Variants in KIAA1549L observed in about 807,000 individuals in gnomAD.
KIAA1549L encodes the protein KIAA1549 like.
A neutral mutation model predicts 160.7 loss-of-function variants in KIAA1549L; 88 were observed. The ratio of observed to expected loss-of-function variants is 0.55; its 90% CI spans 0.46 to 0.65. KIAA1549L has a LOEUF of 0.65. Among genes scored for constraint, KIAA1549L ranks in the 30% least tolerant of loss-of-function variants. The pLI, the probability that KIAA1549L is intolerant of heterozygous loss-of-function variation, is 0.00. For missense variants in KIAA1549L, 2,258 were observed against 2,437.5 expected, an observed-to-expected ratio of 0.93 and a Z score of 1.55; for synonymous variants, 950 against 976.7, an observed-to-expected ratio of 0.97 and a Z score of 0.51.
chr11:33,499,885 C>G (rs1329167485), intron 1 of KIAA1549L, among the ~76,000 whole-genome samples: 1 of 152,198 alleles, frequency 6.6e-6, no homozygotes, highest in Non-Finnish European at 1.5e-5. Context: ...TAGATAAGTT[C>G]TTCAAGGCTT....
chr11:33,497,952 A>G (rs1030081595), intron 1 of KIAA1549L, among the ~76,000 whole-genome samples: 8 of 151,756 alleles, frequency 5.3e-5, no homozygotes, highest in Admixed American at 6.6e-5. Context: ...ATGATCTTGG[A>G]AAACTTACTG....
chr11:33,609,600 G>C (rs1011100156), intron 14 of KIAA1549L, 149 bp from the exon 15 acceptor site: 2 of 637,576 alleles, frequency 3.1e-6, no homozygotes, highest in East Asian at 2.7e-5. Context: ...GCTTGTCTCA[G>C]AATGGGATGC....
At chr11:33,464,563 C>T (rs1852009886) in intron 1 of KIAA1549L, among the ~76,000 whole-genome samples, 1 of 149,654 alleles carries the variant, frequency 6.7e-6, no homozygotes, top group Admixed American at 6.7e-5. Flanking sequence ...CTAGCTGGGG[C>T]CTCTGAATTT....
chr11:33,548,235 C>A (rs1317669580), intron 4 of KIAA1549L, among the ~76,000 whole-genome samples: 3 of 152,122 alleles, frequency 2.0e-5, no homozygotes, highest in African/African-American at 7.2e-5. Flanking sequence ...CCCGTCTCTA[C>A]TAAAAATACA....
At chr11:33,456,019 T>A (rs377643215) in intron 1 of KIAA1549L, among the ~76,000 whole-genome samples, 1 of 152,308 alleles carries the variant, frequency 6.6e-6, no homozygotes, top group Admixed American at 6.5e-5. Flanking sequence ...AGGACATCTC[T>A]TAGGAAAGTG....
At chr11:33,405,638 T>C (rs1043845461) in intron 1 of KIAA1549L, among the ~76,000 whole-genome samples, 1 of 151,396 alleles carries the variant, frequency 6.6e-6, no homozygotes, top group African/African-American at 2.4e-5. Flanking sequence ...GGTTGACAGA[T>C]AGAGAACATC....
chr11:33,543,190 C>T lies in KIAA1549L; in HGVS notation c.1627C>T (p.Leu543Phe), dbSNP rs769877623. ...CCCTCCTGCAACTAGAGACTTGCTC[C>T]TCTCAAGCAAAGTTCCTAATCTTCT... is the stretch of plus-strand genomic sequence containing the variant. Reference protein sequence around the residue: ...GSPPATRDLLLSSKVPNLLST... With the variant: ...GSPPATRDLLFSSKVPNLLST... The change falls in exon 2 of 21, where the codon CTC becomes TTC. Residue 543 changes from leucine to phenylalanine, a missense_variant. By Grantham distance (22) the Leu-to-Phe change is conservative (BLOSUM62 0). Around this residue, in one of 6 missense-constraint regions of KIAA1549L, gnomAD observed 540 missense variants for 465.7 expected, o/e 1.16. Transcript: ENST00000658780. 4 of 1,613,968 alleles carry T rather than the reference C, an allele frequency of 2.5e-6. No homozygotes were observed. The highest frequency in any genetic ancestry group is 1.6e-4 in the Middle Eastern group (1 of 6,062).
intron 12 of KIAA1549L, among the ~76,000 whole-genome samples, chr11:33,594,845 C>A (rs927921136): frequency 3.9e-5 from 6 of 152,160 alleles, no homozygotes; most frequent in Admixed American, 3.9e-4. Flanking sequence ...AGATGATTTA[C>A]CTGAATTGAC....
At chr11:33,566,501 T>A (rs994505535) in intron 8 of KIAA1549L, among the ~76,000 whole-genome samples, 2 of 152,190 alleles carry the variant, frequency 1.3e-5, no homozygotes, top group African/African-American at 2.4e-5. Context: ...TTTATGAATT[T>A]GCAGGAATTA....
At chr11:33,635,170 G>A (rs1164008353) in intron 16 of KIAA1549L, among the ~76,000 whole-genome samples, 5 of 152,160 alleles carry the variant, frequency 3.3e-5, no homozygotes, top group African/African-American at 1.2e-4. Flanking sequence ...GTTTCCAGAA[G>A]CAACTTTCTA....
At chr11:33,435,759 GATATATATATATATATATATATAT>G (rs71034686) in intron 1 of KIAA1549L, among the ~76,000 whole-genome samples, 4 of 14,986 alleles carry the variant, frequency 2.7e-4, no homozygotes, top group African/African-American at 2.9e-4. Context: ...GAACCAATAA[GATATATATATATATATATATATAT>G]ATATATATAT....
intron 1 of KIAA1549L, among the ~76,000 whole-genome samples, chr11:33,479,717 G>T (rs766181397): frequency 2.0e-5 from 3 of 152,192 alleles, no homozygotes; most frequent in Non-Finnish European, 4.4e-5. Context: ...TCTGGAAATT[G>T]AATTGAGGGG....
At chr11:33,395,386 C>A (rs1850352948) in intron 1 of KIAA1549L, among the ~76,000 whole-genome samples, 1 of 152,186 alleles carries the variant, frequency 6.6e-6, no homozygotes, top group African/African-American at 2.4e-5. Context: ...TTTGAACAGC[C>A]ATAAGGTAAA....
intron 1 of KIAA1549L, among the ~76,000 whole-genome samples, chr11:33,490,734 A>G (rs187516013): frequency 6.6e-6 from 1 of 152,334 alleles, no homozygotes; most frequent in Admixed American, 6.5e-5. Flanking sequence ...TAGAAATGTT[A>G]GCAGGGACTC....
chr11:33,595,515 C>A (rs912930313), intron 12 of KIAA1549L, among the ~76,000 whole-genome samples: 2 of 152,320 alleles, frequency 1.3e-5, no homozygotes, highest in Non-Finnish European at 2.9e-5. Context: ...AGGCATGAGC[C>A]ACCATGCCTG....
intron 1 of KIAA1549L, among the ~76,000 whole-genome samples, chr11:33,381,500 G>A (rs1483641417): frequency 6.6e-6 from 1 of 152,208 alleles, no homozygotes; most frequent in Non-Finnish European, 1.5e-5. Context: ...AATTGAATGA[G>A]CAAAGGGAGA....
rs373132227 is a variant in KIAA1549L, at chr11:33,559,833, G to T, written c.3940G>T (p.Ala1314Ser). ...GAGCACATTCCTCAACGGCACCGTCGCCAGCAGCCTCCTCAGCCAGCTCTC... is the reference window on the plus strand; with the variant it reads ...GAGCACATTCCTCAACGGCACCGTCTCCAGCAGCCTCCTCAGCCAGCTCTC... Reference protein sequence around the residue: ...NQSTFLNGTVASSLLSQLSAE... With the variant: ...NQSTFLNGTVSSSLLSQLSAE... Residue 1314 changes from alanine (A) to serine (S), a missense_variant, in exon 7 of 21, where the codon GCC (alanine) becomes TCC (serine). Ala to Ser is a moderately conservative substitution (Grantham distance 99). This residue lies in a region of KIAA1549L where 1,359 missense variants were observed against 1,546.6 expected (regional missense o/e 0.88). Transcript: ENST00000658780. The T allele has an allele frequency of 6.2e-7, 1 of 1,613,828 alleles. No homozygotes were observed. The highest frequency in any genetic ancestry group is 1.3e-5 in the African/African-American group (1 of 74,928).
chr11:33,510,092 G>T (rs187999618), intron 1 of KIAA1549L, among the ~76,000 whole-genome samples: 4 of 152,228 alleles, frequency 2.6e-5, no homozygotes, highest in East Asian at 3.9e-4. Context: ...TTAGTGTGTG[G>T]CATGGGACTG....
At chr11:33,481,713 A>T (rs1852414946) in intron 1 of KIAA1549L, among the ~76,000 whole-genome samples, 1 of 152,208 alleles carries the variant, frequency 6.6e-6, no homozygotes, top group African/African-American at 2.4e-5. Flanking sequence ...CTCACTTTTT[A>T]AAAAAGAAGT....
Sources: allele counts gnomAD v4.1 joint callset (sites outside exome capture counted in the v4.1 genomes callset), GRCh38; gene constraint gnomAD v4.1.1; regional missense constraint gnomAD v4.1.1; transcripts MANE v1.5; gene names NCBI Gene and HGNC (gene_info 2026-07-23, HGNC 2026-07-21).